VPS13A: variants seen among roughly 807,000 people sequenced by gnomAD.
The protein encoded by VPS13A is intermembrane lipid transfer protein VPS13A.
VPS13A carries 264 observed loss-of-function variants against 390.9 expected under a neutral mutation model. The ratio of observed to expected loss-of-function variants is 0.68; its 90% CI spans 0.61 to 0.75. The LOEUF is 0.75. Ranked by LOEUF, VPS13A falls within the 30% of genes least tolerant of loss-of-function variation. The pLI, the probability that VPS13A is intolerant of heterozygous loss-of-function variation, is 0.00. For synonymous variants in VPS13A, 1,231 were observed against 1,227.1 expected (o/e 1.00, Z -0.07); for missense variants, 3,409 against 3,733.9 (o/e 0.91, Z 2.27).
chr9:77,242,266 A>G (rs77238150), intron 19 of VPS13A, among the ~76,000 whole-genome samples: 5,770 of 152,170 alleles, frequency 0.038, 299 homozygotes, highest in East Asian at 0.12. Context: ...TCTCTTTCCT[A>G]AGATAAAATA....
intron 54 of VPS13A, among the ~76,000 whole-genome samples, chr9:77,354,047 G>C (rs1296251997): frequency 6.6e-6 from 1 of 151,982 alleles, no homozygotes; most frequent in Admixed American, 6.6e-5. Context: ...GATCTAATAA[G>C]ATCTAATAAG....
chr9:77,394,654 C>T (rs1191496245), intron 68 of VPS13A, among the ~76,000 whole-genome samples: 1 of 152,214 alleles, frequency 6.6e-6, no homozygotes, highest in Non-Finnish European at 1.5e-5. Context: ...TCCTGGATAG[C>T]ATCTTTCAAT....
At chr9:77,384,829 A>T (rs1833614143) in intron 68 of VPS13A, 2 of 1,468,314 alleles carry the variant, frequency 1.4e-6, no homozygotes, top group Non-Finnish European at 1.8e-6. Context: ...AAAGCAAAAT[A>T]ATTGTATTAT....
intron 23 of VPS13A, among the ~76,000 whole-genome samples, chr9:77,271,806 C>T (rs1378859719): frequency 2.0e-5 from 3 of 152,028 alleles, no homozygotes; most frequent in African/African-American, 7.2e-5. Flanking sequence ...AAAATAATAG[C>T]CCAGTTTCAC....
chr9:77,295,713 G>GAA lies in VPS13A; in HGVS notation c.3682_3683dup (p.Asn1228LysfsTer10), dbSNP rs1564703737. On this transcript the variant is annotated frameshift_variant, in exon 33 of 72. Coordinates refer to ENST00000360280, the MANE Select transcript of VPS13A (RefSeq NM_033305.3). LOFTEE classifies it high-confidence loss of function. ...GGTCATCCCGCAGTCTCCAGTTTCT[G>GAA]AAAATGTTTTTGTTGCTGATTTTGG... 6.2e-7 allele frequency: 1 copy of GAA among 1,613,988 alleles called. No homozygotes were observed. Among genetic ancestry groups the GAA allele is most frequent in the East Asian group, 2.2e-5 (1 of 44,860 alleles).
chr9:77,406,700 A>G (rs532404438), intron 70 of VPS13A, among the ~76,000 whole-genome samples: 1 of 150,736 alleles, frequency 6.6e-6, no homozygotes, highest in African/African-American at 2.4e-5. Flanking sequence ...TATAGACGTG[A>G]GCCACTGGAC....
chr9:77,393,721 C>T (rs931796678), intron 68 of VPS13A, among the ~76,000 whole-genome samples: 2 of 152,158 alleles, frequency 1.3e-5, no homozygotes, highest in African/African-American at 4.8e-5. Context: ...CAACAGTGGG[C>T]TTAAAATATT....
In VPS13A at chr9:77,357,049, G is replaced by C. The variant is rs1831830519; in HGVS notation, c.7806+182G>C. On this transcript the variant is annotated intron_variant, in intron 55 of 71. Transcript: ENST00000360280. ...ATATTAAGAAATCAGGCTGGGCGCAGTGGTTCACACCTGTAATCCCAGCAC... is the reference window on the plus strand; with the variant it reads ...ATATTAAGAAATCAGGCTGGGCGCACTGGTTCACACCTGTAATCCCAGCAC... Among the ~76,000 whole-genome samples, 3 of 152,094 alleles carry C rather than the reference G, an allele frequency of 2.0e-5. No homozygotes were observed. The South Asian group carries it at 6.2e-4, about 32-fold the overall frequency.
chr9:77,222,071 A>G (rs1002595279), intron 13 of VPS13A, among the ~76,000 whole-genome samples: 9 of 152,256 alleles, frequency 5.9e-5, no homozygotes, highest in Admixed American at 2.0e-4. Flanking sequence ...GCTTAGAGAG[A>G]TTAAGGGGAG....
intron 42 of VPS13A, among the ~76,000 whole-genome samples, chr9:77,320,688 T>G (rs751396829): frequency 5.3e-5 from 8 of 152,088 alleles, no homozygotes; most frequent in Non-Finnish European, 1.0e-4. Flanking sequence ...ATACACATGG[T>G]CAGCAGATCT....
intron 71 of VPS13A, among the ~76,000 whole-genome samples, chr9:77,411,677 A>AAAAAAG (rs1199531644): frequency 2.8e-4 from 42 of 148,170 alleles, no homozygotes; most frequent in Non-Finnish European, 5.7e-4. Flanking sequence ...AAAAAAAAAA[A>AAAAAAG]AAAAAAAAGG....
Position 77,318,350 on chromosome 9 carries a change from A to T in VPS13A, c.5072A>T (p.Asp1691Val), listed in dbSNP as rs1454718501. The change falls in exon 41 of 72, where the codon GAT becomes GTT. Residue 1691 changes from aspartate to valine, a missense_variant. Asp to Val is a radical substitution (Grantham distance 152). This residue lies in a region of VPS13A where 2,717 missense variants were observed against 2,917.4 expected (regional missense o/e 0.93). Transcript: ENST00000360280. ...ACTGCACATTTATGGGAAAAGAAGG[A>T]TACAAAGACTTTAAAAATGTGGTTT... is the stretch of plus-strand genomic sequence containing the variant. ...SSTAHLWEKK[D>V]TKTLKMWFLE... The T allele has an allele frequency of 6.2e-7, 1 of 1,613,782 alleles. No individual in the cohort carries two copies. The highest frequency in any genetic ancestry group is 2.2e-5 in the East Asian group (1 of 44,862).
chr9:77,194,150 C>T (rs1353255226), intron 1 of VPS13A, among the ~76,000 whole-genome samples: 4 of 152,026 alleles, frequency 2.6e-5, no homozygotes, highest in South Asian at 2.1e-4. Flanking sequence ...CTGTGGGTGA[C>T]GGTGTCCTGG....
At chr9:77,411,437 G>A (rs1430957493) in intron 71 of VPS13A, among the ~76,000 whole-genome samples, 11 of 151,974 alleles carry the variant, frequency 7.2e-5, no homozygotes, top group African/African-American at 2.7e-4. Flanking sequence ...GCCGAGGCAG[G>A]CGGATCACGA....
Position 77,321,037 on chromosome 9 carries a change from A to G in VPS13A, c.5416-132A>G, listed in dbSNP as rs1890899. The G allele has an allele frequency of 0.53, 419,786 of 794,382 alleles. 112,269 individuals are homozygous for G. Among genetic ancestry groups the G allele is most frequent in the South Asian group, 0.61 (33,686 of 54,842 alleles). The allele number at this position is 794,382 out of a possible 1,614,324, so 49.2% of individuals were successfully genotyped here. A position where few individuals can be genotyped will look rare whatever the true frequency, so the allele number is the denominator to read the frequency against. On this transcript the variant is annotated intron_variant, in intron 42 of 71. Coordinates refer to ENST00000360280, the MANE Select transcript of VPS13A (RefSeq NM_033305.3). ...GTTGGCTGATGTCCAAGTAATTTCA[A>G]TAAGGCAATAGAACTTACTGAAATT...
intron 68 of VPS13A, among the ~76,000 whole-genome samples, chr9:77,392,667 TTA>T (rs1042687975): frequency 2.6e-5 from 4 of 151,876 alleles, no homozygotes; most frequent in South Asian, 4.1e-4. Context: ...CATATAAAAA[TTA>T]TGTTTATAAT....
chr9:77,323,379 C>G, intron 45 of VPS13A, 152 bp downstream of exon 45: 1 of 905,312 alleles, frequency 1.1e-6, no homozygotes, highest in Admixed American at 2.1e-5. Context: ...CCACCAGTTG[C>G]GCTACTTGGT....
At chr9:77,212,412 CATGTTAT>C (rs1407541685) in intron 7 of VPS13A, among the ~76,000 whole-genome samples, 1 of 152,092 alleles carries the variant, frequency 6.6e-6, no homozygotes, top group Non-Finnish European at 1.5e-5. Flanking sequence ...TTTTTAGTTA[CATGTTAT>C]ATATTAGGTT....
intron 54 of VPS13A, 102 bp from the exon 55 acceptor site, chr9:77,356,612 C>G: frequency 3.0e-6 from 4 of 1,313,324 alleles, no homozygotes; most frequent in South Asian, 1.3e-5. Context: ...TGAGGCTGTT[C>G]TGAAATTTTA....
Sources: allele counts gnomAD v4.1 joint callset (sites outside exome capture counted in the v4.1 genomes callset), GRCh38; gene constraint gnomAD v4.1.1; regional missense constraint gnomAD v4.1.1; transcripts MANE v1.5; gene names NCBI Gene and HGNC (gene_info 2026-07-23, HGNC 2026-07-21).